The following HAUS7 variants were observed in gnomAD, a reference collection of about 807,000 sequenced individuals.
The protein encoded by HAUS7 is HAUS augmin like complex subunit 7.
Under a neutral mutation model 28.4 loss-of-function variants are expected in HAUS7, and 3 were observed. That is an observed-to-expected ratio of 0.11 (90% confidence interval 0.05 to 0.27). The LOEUF is 0.27. Among genes scored for constraint, HAUS7 ranks in the 10% least tolerant of loss-of-function variants. The probability of loss-of-function intolerance (pLI) is 1.00; values close to 1 mark genes in which losing one functional copy is unlikely to be tolerated. For synonymous variants in HAUS7, 165 were observed against 132.1 expected, an observed-to-expected ratio of 1.25 and a Z score of -1.71; for missense variants, 284 against 297.3, an observed-to-expected ratio of 0.96 and a Z score of 0.33.
chrX:153,451,697 AAG>A (rs1485046480), intron 9 of HAUS7, among the ~76,000 whole-genome samples: 2 of 112,312 alleles, frequency 1.8e-5, no homozygotes, highest in African/African-American at 6.5e-5. Context: ...CGGGGCAAAC[AAG>A]AGACTAAACA....
At chrX:153,488,943 G>A (rs1474165966) in intron 1 of HAUS7, among the ~76,000 whole-genome samples, 1 of 112,712 alleles carries the variant, frequency 8.9e-6, no homozygotes, top group Non-Finnish European at 1.9e-5. Context: ...AGCCTCGGCG[G>A]GGGCTAATCC....
At chrX:153,485,165 G>A (rs1404209727) in intron 1 of HAUS7, among the ~76,000 whole-genome samples, 1 of 111,862 alleles carries the variant, frequency 8.9e-6, no homozygotes, top group East Asian at 2.9e-4. Context: ...CGGACAGCGA[G>A]GGCTGGGTGA....
intron 1 of HAUS7, 119 bp from the exon 2 acceptor site, chrX:153,469,380 C>G: frequency 4.9e-6 from 2 of 409,409 alleles, no homozygotes; most frequent in Non-Finnish European, 8.5e-6. Context: ...GGATGGAGTG[C>G]AGTGGCATGA....
intron 1 of HAUS7, among the ~76,000 whole-genome samples, chrX:153,484,944 G>A (rs996966786): frequency 3.5e-5 from 4 of 112,857 alleles, no homozygotes; most frequent in African/African-American, 1.3e-4. Context: ...AGCCACGGGG[G>A]CTGAGGGTGT....
intron 1 of HAUS7, among the ~76,000 whole-genome samples, chrX:153,488,555 ACTCGT>A (rs1466654399): frequency 9.1e-6 from 1 of 109,914 alleles, no homozygotes; most frequent in Non-Finnish European, 1.9e-5. Flanking sequence ...TTTGCTTTGG[ACTCGT>A]CCCGGCATTC....
chrX:153,449,536 G>T (rs1231375898), intron 9 of HAUS7, among the ~76,000 whole-genome samples: 1 of 112,666 alleles, frequency 8.9e-6, no homozygotes, highest in Non-Finnish European at 1.9e-5. Context: ...TTCCTGCTCT[G>T]CCCTCACTCT....
At chrX:153,464,056 A>G (rs1208946755) in intron 3 of HAUS7, among the ~76,000 whole-genome samples, 2 of 112,694 alleles carry the variant, frequency 1.8e-5, no homozygotes, top group East Asian at 5.6e-4. Flanking sequence ...CATTCGTCGG[A>G]TGAATTCCTG....
At position 153,455,600 on chromosome X, in the gene HAUS7, A is replaced by C; in HGVS notation, c.872T>G (p.Leu291Arg). The C allele has an allele frequency of 1.7e-6, 2 of 1,209,757 alleles. No homozygotes were observed. The highest frequency in any genetic ancestry group is 2.2e-6 in the Non-Finnish European group (2 of 893,712). The part of the protein sequence containing the change: ...GECCQRPGPD[L>R]HPCGPIIQAT... Reference sequence around the variant, plus strand: ...CTGGATGATGGGGCCGCACGGGTGGAGGTCAGGGCCTGGGCGCTGGCAGCA... The same window carrying C: ...CTGGATGATGGGGCCGCACGGGTGGCGGTCAGGGCCTGGGCGCTGGCAGCA... Residue 291 changes from leucine to arginine, a missense_variant, in exon 8 of 10, where the codon CTC (leucine) becomes CGC (arginine). Coordinates refer to ENST00000370211, the MANE Select transcript of HAUS7 (RefSeq NM_001385482.1).
chrX:153,462,111 A>T (rs782646645), intron 4 of HAUS7: 5 of 1,053,159 alleles, frequency 4.7e-6, no homozygotes, highest in Non-Finnish European at 6.4e-6. Context: ...CAAAAATCAT[A>T]TGCAAGAATG....
chrX:153,489,293 C>T (rs1238316235), intron 1 of HAUS7, among the ~76,000 whole-genome samples: 1 of 112,260 alleles, frequency 8.9e-6, no homozygotes, highest in Non-Finnish European at 1.9e-5. Context: ...AGCCCGAGAG[C>T]AAGGGCAGCC....
At chrX:153,463,630 C>G (rs1203319508) in intron 3 of HAUS7, among the ~76,000 whole-genome samples, 1 of 112,521 alleles carries the variant, frequency 8.9e-6, no homozygotes, top group Non-Finnish European at 1.9e-5. Context: ...TCAAAGCCCA[C>G]GTCCTTCTGG....
At chrX:153,482,101 G>A (rs782310838) in intron 1 of HAUS7, among the ~76,000 whole-genome samples, 1 of 112,323 alleles carries the variant, frequency 8.9e-6, no homozygotes, top group Non-Finnish European at 1.9e-5. Flanking sequence ...TTGGTGTGAC[G>A]TGTTCCATCG....
At chrX:153,484,008 A>T (rs1206410031) in intron 1 of HAUS7, among the ~76,000 whole-genome samples, 1 of 112,122 alleles carries the variant, frequency 8.9e-6, no homozygotes, top group Non-Finnish European at 1.9e-5. Flanking sequence ...AACAACAGAA[A>T]TAACCTCTCT....
intron 1 of HAUS7, among the ~76,000 whole-genome samples, chrX:153,488,953 C>G (rs1193631482): frequency 8.9e-6 from 1 of 112,692 alleles, no homozygotes; most frequent in Non-Finnish European, 1.9e-5. Flanking sequence ...GGGGCTAATC[C>G]TCCTGTGACC....
At chrX:153,492,614 G>T (rs186292077) in intron 1 of HAUS7, among the ~76,000 whole-genome samples, 1 of 111,474 alleles carries the variant, frequency 9.0e-6, no homozygotes, top group African/African-American at 3.3e-5. Context: ...CCCAAGCAGG[G>T]TGTCGCCTCA....
At chrX:153,470,864 G>A (rs1435516003), upstream of HAUS7, 8 of 374,872 alleles carry the variant, frequency 2.1e-5, no homozygotes, top group Non-Finnish European at 4.0e-5. Context: ...GAAAGGGGCG[G>A]GGCGGACACC....
chrX:153,450,970 C>T (rs782357278), intron 9 of HAUS7, among the ~76,000 whole-genome samples: 1 of 112,151 alleles, frequency 8.9e-6, no homozygotes, highest in African/African-American at 3.2e-5. Flanking sequence ...TGTGTCCAGA[C>T]ACTAAGAATT....
At position 153,470,517 on chromosome X, in the gene HAUS7, T is replaced by C; in HGVS notation, c.41A>G (p.Asp14Gly). 1.7e-6 allele frequency: 2 copies of C among 1,201,495 alleles called. No individual in the cohort carries two copies. The highest frequency in any genetic ancestry group is 3.0e-5 in the East Asian group (1 of 33,374). ...QDAGCGRGGD[D>G]YSEDEGDSSV... ...GCTGTCGCCCTCGTCCTCTGAGTAGTCGTCGCCGCCACGGCCGCAGCCAGC... is the reference window on the plus strand; with the variant it reads ...GCTGTCGCCCTCGTCCTCTGAGTAGCCGTCGCCGCCACGGCCGCAGCCAGC... Residue 14 changes from aspartate to glycine, a missense_variant, in exon 1 of 10, where the codon GAC (aspartate) becomes GGC (glycine). By Grantham distance (94) the Asp-to-Gly change is moderately conservative (BLOSUM62 -1). Transcript: ENST00000370211.
Position 153,456,254 on chromosome X carries a change from A to G in HAUS7, c.705+11T>C. ...TCCAAGCAACCCCCTCCCAGGAGCT[A>G]GCACCCTCACCTCCGTTCTAAGCGC... On this transcript the variant is annotated intron_variant, in intron 7 of 9. Coordinates refer to ENST00000370211, the MANE Select transcript of HAUS7 (RefSeq NM_001385482.1). 3 of 1,186,689 alleles carry G rather than the reference A, an allele frequency of 2.5e-6. No homozygotes were observed. Among genetic ancestry groups the G allele is most frequent in the Non-Finnish European group, 3.4e-6 (3 of 873,921 alleles).
Sources: gnomAD v4.1 joint callset for allele counts (sites outside exome capture counted in the v4.1 genomes callset) on GRCh38, gnomAD v4.1.1 for gene constraint, MANE v1.5 for transcripts, NCBI Gene and HGNC (gene_info 2026-07-23, HGNC 2026-07-21) for gene names.